Variants in HIP1 observed in about 807,000 individuals in gnomAD.
HIP1 encodes huntingtin interacting protein 1, also known as huntingtin-interacting protein 1.
A neutral mutation model predicts 147.6 loss-of-function variants in HIP1; 65 were observed. That is an observed-to-expected ratio of 0.44 (90% CI 0.36 to 0.54). The LOEUF (loss-of-function observed/expected upper bound fraction) is 0.54. Ranked by LOEUF, HIP1 falls within the 20% of genes least tolerant of loss-of-function variation. The pLI, the probability that HIP1 is intolerant of heterozygous loss-of-function variation, is 0.00. For missense variants in HIP1, 1,061 were observed against 1,299.6 expected, an observed-to-expected ratio of 0.82 and a Z score of 2.82; for synonymous variants, 479 against 504.0, an observed-to-expected ratio of 0.95 and a Z score of 0.67.
At chr7:75,691,526 C>T (rs957830039) in intron 1 of HIP1, among the ~76,000 whole-genome samples, 7 of 143,986 alleles carry the variant, frequency 4.9e-5, no homozygotes, top group East Asian at 2.1e-4. Flanking sequence ...GGGCCGGGCG[C>T]GGTGGCTCAT....
chr7:75,718,970 G>A (rs1276002062), intron 1 of HIP1, among the ~76,000 whole-genome samples: 1 of 152,036 alleles, frequency 6.6e-6, no homozygotes, highest in African/African-American at 2.4e-5. Context: ...CCGGAGACAA[G>A]GATGCATTAA....
intron 1 of HIP1, among the ~76,000 whole-genome samples, chr7:75,621,228 G>A (rs587686144): frequency 1.3e-4 from 20 of 152,134 alleles, no homozygotes; most frequent in Admixed American, 9.2e-4. Context: ...AACATGAAGA[G>A]GAAGTGAGCC....
intron 1 of HIP1, among the ~76,000 whole-genome samples, chr7:75,670,801 T>TTTTTTTTTTTTTGA (rs56213047): frequency 6.8e-6 from 1 of 147,752 alleles, no homozygotes; most frequent in African/African-American, 2.5e-5. Flanking sequence ...TTTTTTTTTT[T>TTTTTTTTTTTTTGA]GGTAGAGATA....
Position 75,555,995 on chromosome 7 carries a change from G to A in HIP1, c.1827+31C>T, listed in dbSNP as rs1554493178. Reference sequence around the variant, plus strand: ...AGAGGCCCTCGGTGGGAATTCACAGGTGCTCGCTCGTGTCCATGTCCGTGA... The same window carrying A: ...AGAGGCCCTCGGTGGGAATTCACAGATGCTCGCTCGTGTCCATGTCCGTGA... On this transcript the variant is annotated intron_variant, in intron 18 of 30. Coordinates refer to ENST00000336926, the MANE Select transcript of HIP1 (RefSeq NM_005338.7). The A allele has an allele frequency of 2.5e-6, 4 of 1,611,062 alleles. No individual in the cohort carries two copies. In the Admixed American group the frequency reaches 5.0e-5, roughly 20 times the overall value.
chr7:75,606,570 C>T (rs1428976675), intron 1 of HIP1, among the ~76,000 whole-genome samples: 7 of 149,198 alleles, frequency 4.7e-5, no homozygotes, highest in African/African-American at 2.5e-5. Context: ...AGTGAGACTC[C>T]GTCTCAAAAA....
intron 1 of HIP1, among the ~76,000 whole-genome samples, chr7:75,616,208 C>A (rs1797656622): frequency 6.6e-6 from 1 of 151,856 alleles, no homozygotes; most frequent in Admixed American, 6.6e-5. Flanking sequence ...GGGTCCAAAC[C>A]ACCGCCCACC....
chr7:75,674,418 A>AT (rs879974731), intron 1 of HIP1, among the ~76,000 whole-genome samples: 1 of 152,148 alleles, frequency 6.6e-6, no homozygotes, highest in Non-Finnish European at 1.5e-5. Context: ...TTTATGAAAG[A>AT]TAAGATTCTT....
chr7:75,584,175 G>A (rs782042343), intron 5 of HIP1, among the ~76,000 whole-genome samples: 22 of 151,444 alleles, frequency 1.5e-4, no homozygotes, highest in Non-Finnish European at 2.7e-4. Context: ...TGTTGCCCAG[G>A]CTGGTCTTGA....
chr7:75,700,068 C>A (rs1800773362), intron 1 of HIP1, among the ~76,000 whole-genome samples: 1 of 152,148 alleles, frequency 6.6e-6, no homozygotes, highest in Non-Finnish European at 1.5e-5. Flanking sequence ...CCAGGCTGGT[C>A]TCGAACTCCT....
chr7:75,589,655 C>T (rs1414677418), intron 4 of HIP1, among the ~76,000 whole-genome samples: 2 of 117,618 alleles, frequency 1.7e-5, no homozygotes, highest in Admixed American at 1.2e-4. Context: ...TGTACTCTGG[C>T]CCAGGCAACA....
At chr7:75,716,830 G>C (rs868985488) in intron 1 of HIP1, among the ~76,000 whole-genome samples, 11 of 150,410 alleles carry the variant, frequency 7.3e-5, no homozygotes, top group South Asian at 2.1e-4. Flanking sequence ...TTTTTTAGGG[G>C]GGGGGAAAGG....
Position 75,548,931 on chromosome 7 carries a change from G to C in HIP1, c.2366C>G (p.Ala789Gly), listed in dbSNP as rs1554491554. ...LGDLVDKEMA[A>G]TSAAIETATA... ...GGCAGTTTCAATAGCAGCTGAAGTG[G>C]CCGCCATCTCCTTGTCCACCAGGTC... The change falls in exon 23 of 31, where the codon GCC becomes GGC. Residue 789 changes from alanine to glycine, a missense_variant. By Grantham distance (60) the Ala-to-Gly change is moderately conservative. Transcript: ENST00000336926. 4 of 1,614,032 alleles carry C rather than the reference G, an allele frequency of 2.5e-6. No individual in the cohort carries two copies. In the South Asian group the frequency reaches 4.4e-5, roughly 18 times the overall value.
At chr7:75,662,306 C>T (rs6948559) in intron 1 of HIP1, among the ~76,000 whole-genome samples, 12,089 of 151,998 alleles carry the variant, frequency 0.08, 651 homozygotes, top group East Asian at 0.14. Context: ...ACCCCAGCCT[C>T]CCGAGTAGCT....
intron 1 of HIP1, among the ~76,000 whole-genome samples, chr7:75,607,350 T>C (rs1247213935): frequency 6.6e-6 from 1 of 150,404 alleles, no homozygotes; most frequent in African/African-American, 2.4e-5. Flanking sequence ...CTGTCTCAGC[T>C]TCCCAGTAGC....
chr7:75,639,242 G>T, intron 1 of HIP1: 6 of 963,170 alleles, frequency 6.2e-6, no homozygotes, highest in Non-Finnish European at 7.4e-6. Flanking sequence ...CCGGAGAAAG[G>T]AAGGGGAGGG....
chr7:75,637,985 C>A (rs1311416029), intron 1 of HIP1, among the ~76,000 whole-genome samples: 29 of 52,464 alleles, frequency 5.5e-4, no homozygotes, highest in Non-Finnish European at 1.1e-3. Flanking sequence ...AGACCCCCCC[C>A]CCCCCCCCAC....
At chr7:75,600,407 G>A (rs1554502771) in intron 1 of HIP1, among the ~76,000 whole-genome samples, 4 of 151,952 alleles carry the variant, frequency 2.6e-5, no homozygotes, top group Admixed American at 6.6e-5. Context: ...CACTGTGCCC[G>A]GCCAAATCAT....
chr7:75,586,939 C>T (rs1260073813), intron 4 of HIP1, 106 bp from the exon 5 acceptor site: 1 of 754,784 alleles, frequency 1.3e-6, no homozygotes, highest in African/African-American at 1.7e-5. Context: ...TTGTTTTCTC[C>T]CCTTTATTTT....
intron 1 of HIP1, among the ~76,000 whole-genome samples, chr7:75,661,973 A>G (rs1428439571): frequency 6.6e-6 from 1 of 151,248 alleles, no homozygotes; most frequent in East Asian, 1.9e-4. Context: ...GAAGGAACGG[A>G]GTGAAGAGGA....
Sources: gnomAD v4.1 joint callset for allele counts (sites outside exome capture counted in the v4.1 genomes callset) on GRCh38, gnomAD v4.1.1 for gene constraint, MANE v1.5 for transcripts, NCBI Gene and HGNC (gene_info 2026-07-23, HGNC 2026-07-21) for gene names.